Variants in RHBDD1 observed in about 807,000 individuals in gnomAD.
RHBDD1 encodes the protein rhomboid domain containing 1, also known as rhomboid-related protein 4.
Under a neutral mutation model 36.3 loss-of-function variants are expected in RHBDD1, and 38 were observed. The ratio of observed to expected loss-of-function variants is 1.05; its 90% CI spans 0.81 to 1.37. The LOEUF (loss-of-function observed/expected upper bound fraction) is 1.37, where lower values mean the gene tolerates loss of function less well. RHBDD1 is among the 40% of genes most tolerant of loss of function. The pLI, the probability that RHBDD1 is intolerant of heterozygous loss-of-function variation, is 0.00. For synonymous variants in RHBDD1, 151 were observed against 136.5 expected, an observed-to-expected ratio of 1.11 and a Z score of -0.74; for missense variants, 393 against 377.6, an observed-to-expected ratio of 1.04 and a Z score of -0.34.
intron 8 of RHBDD1, among the ~76,000 whole-genome samples, chr2:226,981,626 GATA>G (rs1955790447): frequency 1.3e-5 from 2 of 151,966 alleles, no homozygotes; most frequent in Non-Finnish European, 1.5e-5. Context: ...TTGGGAGAGG[GATA>G]ATGAGTTAAT....
chr2:226,966,065 G>T (rs1952605085), intron 8 of RHBDD1, among the ~76,000 whole-genome samples: 1 of 152,056 alleles, frequency 6.6e-6, no homozygotes, highest in South Asian at 2.1e-4. Flanking sequence ...TATAAGGTTG[G>T]TTCAACATAC....
chr2:226,988,684 A>G lies in RHBDD1; in HGVS notation c.857-6747A>G, dbSNP rs1406203481. On this transcript the variant is annotated intron_variant, in intron 8 of 8. Transcript: ENST00000392062. The stretch of plus-strand genomic sequence containing the variant: ...TTTTAATATTCCGAAGGGTTTTCAT[A>G]CTTTTTCTATCATTTTACAGACCTC... The G allele has an allele frequency of 1.1e-5, 11 of 981,086 alleles. No homozygotes were observed. In the East Asian group the frequency reaches 5.7e-4, roughly 51 times the overall value. The allele number at this position is 981,086 out of a possible 1,614,324, so 60.8% of individuals were successfully genotyped here. A position where few individuals can be genotyped will look rare whatever the true frequency, so the allele number is the denominator to read the frequency against.
At chr2:226,872,963 T>A (rs927821645) in intron 5 of RHBDD1, among the ~76,000 whole-genome samples, 8 of 152,242 alleles carry the variant, frequency 5.3e-5, no homozygotes, top group African/African-American at 1.9e-4. Flanking sequence ...GGAGAGCCTC[T>A]AATTTCAGTT....
intron 5 of RHBDD1, among the ~76,000 whole-genome samples, chr2:226,890,767 T>A (rs1307656816): frequency 6.6e-6 from 1 of 152,186 alleles, no homozygotes; most frequent in Admixed American, 6.5e-5. Flanking sequence ...TATCCAAATA[T>A]TTCATATATT....
At chr2:226,992,526 C>A (rs1191308330) in intron 8 of RHBDD1, among the ~76,000 whole-genome samples, 1 of 151,966 alleles carries the variant, frequency 6.6e-6, no homozygotes, top group Admixed American at 6.6e-5. Flanking sequence ...ATTGTTATAC[C>A]CAAGGTCTTC....
At chr2:226,921,375 A>AT (rs1224325836) in intron 8 of RHBDD1, among the ~76,000 whole-genome samples, 3 of 150,706 alleles carry the variant, frequency 2.0e-5, no homozygotes, top group Non-Finnish European at 1.5e-5. Context: ...TTCTTCTACT[A>AT]TTTTTTCGTT....
At chr2:226,983,631 T>A (rs1379397587) in intron 8 of RHBDD1, among the ~76,000 whole-genome samples, 1 of 152,230 alleles carries the variant, frequency 6.6e-6, no homozygotes, top group African/African-American at 2.4e-5. Flanking sequence ...TTTTTTTTCC[T>A]TATTCCTTGA....
chr2:226,895,708 A>G, intron 5 of RHBDD1: 1 of 985,334 alleles, frequency 1.0e-6, no homozygotes, highest in Non-Finnish European at 1.2e-6. Flanking sequence ...GCTTAGTAAT[A>G]CTGCAAAGCT....
At chr2:226,947,358 G>T (rs1386426394) in intron 8 of RHBDD1, among the ~76,000 whole-genome samples, 1 of 151,798 alleles carries the variant, frequency 6.6e-6, no homozygotes, top group African/African-American at 2.4e-5. Flanking sequence ...ATTAAATAGG[G>T]AATCCTTTCC....
intron 8 of RHBDD1, among the ~76,000 whole-genome samples, chr2:226,992,795 G>A (rs970232283): frequency 2.0e-5 from 3 of 152,148 alleles, no homozygotes; most frequent in African/African-American, 7.2e-5. Flanking sequence ...TGTGAGAACC[G>A]ATGGCCACGT....
chr2:226,912,111 T>C (rs1206001744), intron 7 of RHBDD1, among the ~76,000 whole-genome samples: 1 of 152,046 alleles, frequency 6.6e-6, no homozygotes, highest in Admixed American at 6.6e-5. Context: ...AATAAGCACA[T>C]AAAAAGACAC....
intron 8 of RHBDD1, among the ~76,000 whole-genome samples, chr2:226,946,598 T>C (rs1448216316): frequency 4.6e-5 from 7 of 151,988 alleles, no homozygotes; most frequent in Admixed American, 3.9e-4. Context: ...CTAGCCAGAC[T>C]AACAAAGAAG....
intron 8 of RHBDD1, among the ~76,000 whole-genome samples, chr2:226,974,404 A>AT (rs1954175888): frequency 1.3e-5 from 2 of 151,774 alleles, no homozygotes; most frequent in East Asian, 2.0e-4. Context: ...GGCCTGGCTA[A>AT]TTTTTTGTAT....
At chr2:226,973,493 T>C (rs1342242843) in intron 8 of RHBDD1, among the ~76,000 whole-genome samples, 2 of 152,188 alleles carry the variant, frequency 1.3e-5, no homozygotes. Flanking sequence ...CATTCTAAGA[T>C]TGGTGTTTAC....
chr2:226,928,414 CAAT>C (rs1013329234), intron 8 of RHBDD1, among the ~76,000 whole-genome samples: 1 of 151,798 alleles, frequency 6.6e-6, no homozygotes, highest in African/African-American at 2.4e-5. Context: ...TTTGGGTTAA[CAAT>C]GATATCAAGA....
chr2:226,820,937 AG>A, the RHBDD1 span, among the ~76,000 whole-genome samples: 5 of 152,210 alleles, frequency 3.3e-5, no homozygotes, highest in African/African-American at 1.2e-4. Flanking sequence ...TAACTGGGCC[AG>A]GAAGATGAGC....
chr2:226,863,414 C>G (rs138077030), intron 3 of RHBDD1, among the ~76,000 whole-genome samples: 2 of 152,178 alleles, frequency 1.3e-5, no homozygotes, highest in African/African-American at 4.8e-5. Flanking sequence ...ACAGCACTCG[C>G]GAAAGGCAAT....
At chr2:226,871,923 A>C (rs770672406) in intron 5 of RHBDD1, among the ~76,000 whole-genome samples, 18 of 152,212 alleles carry the variant, frequency 1.2e-4, no homozygotes, top group Non-Finnish European at 2.1e-4. Context: ...ATTAGCAAGT[A>C]CTATATGAGG....
At chr2:226,828,407 A>C in the RHBDD1 span, among the ~76,000 whole-genome samples, 2 of 152,198 alleles carry the variant, frequency 1.3e-5, no homozygotes, top group Non-Finnish European at 2.9e-5. Context: ...TTGTGGACAT[A>C]TGTTTCATTT....
Sources: allele counts gnomAD v4.1 joint callset (sites outside exome capture counted in the v4.1 genomes callset), GRCh38; gene constraint gnomAD v4.1.1; transcripts MANE v1.5; gene names NCBI Gene and HGNC (gene_info 2026-07-23, HGNC 2026-07-21).